The following PARVB variants were observed in gnomAD, a reference collection of about 807,000 sequenced individuals.
PARVB encodes the protein parvin beta.
In PARVB, 46 loss-of-function variants were observed where a neutral mutation model predicts 47.0. The observed-to-expected ratio is 0.98, with a 90% CI of 0.77 to 1.25. The LOEUF is 1.25. Among genes scored for constraint, PARVB ranks in the 50% most tolerant of loss-of-function variants. PARVB has a pLI of 0.00. For synonymous variants in PARVB, 196 were observed against 196.3 expected (o/e 1.00, Z 0.01); for missense variants, 473 against 471.6 (o/e 1.00, Z -0.03).
chr22:44,091,648 G>A lies in PARVB; in HGVS notation c.113-2280G>A, dbSNP rs181262906. On this transcript the variant is annotated intron_variant, in intron 1 of 12. Coordinates refer to ENST00000338758, the MANE Select transcript of PARVB (RefSeq NM_013327.5). Reference sequence around the variant, plus strand: ...GTTCACCCATGCGGTAGCCTGGTCCGAATGTCCTTCCTTTTTAGGGCTAGA... The same window carrying A: ...GTTCACCCATGCGGTAGCCTGGTCCAAATGTCCTTCCTTTTTAGGGCTAGA... Among the ~76,000 whole-genome samples the A allele has an allele frequency of 5.8e-4, 89 of 152,294 alleles. 1 individual carries two copies. In the East Asian group the frequency reaches 0.013, roughly 23 times the overall value.
At chr22:44,116,213 G>T (rs1266827845) in intron 3 of PARVB, 1 of 152,288 alleles carries the variant, frequency 6.6e-6, no homozygotes, top group African/African-American at 2.4e-5. Context: ...CTCTGTTGGG[G>T]TTTGTCTGAT....
chr22:44,151,739 G>A, intron 10 of PARVB, 188 bp downstream of exon 10: 1 of 566,954 alleles, frequency 1.8e-6, no homozygotes, highest in Non-Finnish European at 3.2e-6. Flanking sequence ...TGGGGCTGCT[G>A]CCACAAAGCA....
intron 8 of PARVB, chr22:44,147,336 A>T: frequency 4.0e-6 from 1 of 253,042 alleles, no homozygotes; most frequent in East Asian, 8.6e-5. Context: ...TCCTGTTTGC[A>T]CTTGGAAGGG....
intron 7 of PARVB, among the ~76,000 whole-genome samples, chr22:44,137,371 G>T (rs979459443): frequency 3.3e-5 from 5 of 152,350 alleles, no homozygotes; most frequent in Admixed American, 6.5e-5. Context: ...TGGAAAAGGG[G>T]AGGATGAGAA....
chr22:44,019,981 ACAC>A (rs1456396335), upstream of PARVB, among the ~76,000 whole-genome samples: 1 of 151,924 alleles, frequency 6.6e-6, no homozygotes, highest in East Asian at 1.9e-4. Context: ...CTCTTCTCTC[ACAC>A]CACAAGTGTC....
upstream of PARVB, chr22:44,024,207 G>A: frequency 6.3e-6 from 2 of 317,168 alleles, no homozygotes; most frequent in Non-Finnish European, 9.1e-6. Context: ...GGACGCCGGG[G>A]CCGCGCTCCA....
intron 10 of PARVB, chr22:44,153,108 T>C (rs1050376774): frequency 2.0e-5 from 3 of 152,232 alleles, no homozygotes; most frequent in African/African-American, 7.2e-5. Context: ...TTTATTTGTG[T>C]ATCGTTGGCC....
chr22:44,078,937 G>A lies in PARVB; in HGVS notation c.113-14991G>A, dbSNP rs1300997631. 2.0e-5 allele frequency among the ~76,000 whole-genome samples: 3 copies of A among 152,284 alleles called. No individual in the cohort carries two copies. In the East Asian group the frequency reaches 5.8e-4, roughly 29 times the overall value. On this transcript the variant is annotated intron_variant, in intron 1 of 12. Transcript: ENST00000338758. ...AGATGAGGTTTTACCATGTTGGCCA[G>A]GCTGGTCTCAAACTCTTGACCTAAG...
rs572394824 is a variant in PARVB, at chr22:44,070,988, C to T, written c.113-22940C>T. Among the ~76,000 whole-genome samples, 392 of 146,828 alleles carry T rather than the reference C, an allele frequency of 2.7e-3. 4 individuals are homozygous for T. The highest frequency in any genetic ancestry group is 3.4e-3 in the Non-Finnish European group (226 of 67,314). ...CCCTAGACCCCAGACCAGGACCCCC[C>T]GGCCCCTGCCCGCCCGCCTTGGCCT... On this transcript the variant is annotated intron_variant, in intron 1 of 12. Transcript: ENST00000338758.
chr22:44,138,159 G>A (rs1403576804), intron 7 of PARVB, among the ~76,000 whole-genome samples: 1 of 152,236 alleles, frequency 6.6e-6, no homozygotes, highest in Non-Finnish European at 1.5e-5. Flanking sequence ...GAGACACTGA[G>A]AGGTGGGCTG....
intron 1 of PARVB, among the ~76,000 whole-genome samples, chr22:44,078,022 G>T (rs1419282190): frequency 6.6e-6 from 1 of 152,146 alleles, no homozygotes; most frequent in Non-Finnish European, 1.5e-5. Context: ...TGGGCTTGGT[G>T]ACATGATAGA....
chr22:44,044,566 A>G (rs751293952), intron 1 of PARVB, among the ~76,000 whole-genome samples: 3 of 151,982 alleles, frequency 2.0e-5, no homozygotes, highest in Non-Finnish European at 4.4e-5. Flanking sequence ...GCTCACTGCA[A>G]CCTCTGCCTC....
In PARVB at chr22:44,151,567, G is replaced by A. The variant is rs1052399198; in HGVS notation, c.843+16G>A. ...GGAGACCCAGGTATGTGCTGCTTTG[G>A]CTTGAAGGATCCTTTGTCCACCGCC... On this transcript the variant is annotated intron_variant, in intron 10 of 12. Transcript: ENST00000338758. 1.2e-6 allele frequency: 2 copies of A among 1,601,700 alleles called. No homozygotes were observed. Among genetic ancestry groups the A allele is most frequent in the Non-Finnish European group, 1.7e-6 (2 of 1,168,668 alleles).
chr22:43,999,592 C>T, exon 2 of PARVB: 1 of 1,613,836 alleles, frequency 6.2e-7, no homozygotes, highest in Non-Finnish European at 8.5e-7. Context: ...CTCCCAGGCA[C>T]TCATGGCTTC....
intron 4 of PARVB, among the ~76,000 whole-genome samples, chr22:44,121,265 G>A (rs958049933): frequency 5.3e-5 from 8 of 152,188 alleles, no homozygotes. Flanking sequence ...GCCTCCCAAA[G>A]TGTTGGGACT....
intron 3 of PARVB, chr22:44,114,687 A>G (rs2052820622): frequency 9.9e-6 from 1 of 100,818 alleles, no homozygotes; most frequent in East Asian, 3.9e-4. Context: ...GTTACTAACT[A>G]AGGCCCTGCA....
chr22:44,043,619 C>T (rs897394873), intron 1 of PARVB, among the ~76,000 whole-genome samples: 16 of 152,144 alleles, frequency 1.1e-4, no homozygotes, highest in African/African-American at 3.1e-4. Context: ...CCCCGTGATC[C>T]GTCTGCCTCA....
chr22:44,144,360 C>T (rs533971968), intron 8 of PARVB: 118 of 152,428 alleles, frequency 7.7e-4, no homozygotes, highest in African/African-American at 2.5e-3. Context: ...TGGGGTCTGG[C>T]GCAAGCTGGA....
chr22:44,161,738 A>G (rs2054057644), intron 11 of PARVB, among the ~76,000 whole-genome samples: 1 of 152,220 alleles, frequency 6.6e-6, no homozygotes, highest in Non-Finnish European at 1.5e-5. Context: ...TATGGAATAC[A>G]CTGACCCCAT....
Sources: allele counts gnomAD v4.1 joint callset (sites outside exome capture counted in the v4.1 genomes callset), GRCh38; gene constraint gnomAD v4.1.1; transcripts MANE v1.5; gene names NCBI Gene and HGNC (gene_info 2026-07-23, HGNC 2026-07-21).